The following CLIC5 variants were observed in gnomAD, a reference collection of about 807,000 sequenced individuals.
The protein encoded by CLIC5 is CLIC family member 5.
Under a neutral mutation model 24.7 loss-of-function variants are expected in CLIC5, and 20 were observed. The ratio of observed to expected loss-of-function variants is 0.81; its 90% CI spans 0.57 to 1.18. The LOEUF (loss-of-function observed/expected upper bound fraction) is 1.18, where lower values mean the gene tolerates loss of function less well. Among genes scored for constraint, CLIC5 ranks in the 50% most tolerant of loss-of-function variants. CLIC5 has a pLI of 0.00. For synonymous variants in CLIC5, 159 were observed against 135.6 expected (o/e 1.17, Z -1.20); for missense variants, 341 against 326.1 (o/e 1.05, Z -0.35).
At chr6:45,967,063 C>T (rs943040005) in intron 1 of CLIC5, among the ~76,000 whole-genome samples, 3 of 152,236 alleles carry the variant, frequency 2.0e-5, no homozygotes, top group African/African-American at 7.2e-5. Flanking sequence ...TCTCCAGCCA[C>T]CTTCCTCTAG....
At chr6:46,094,056 A>G in the CLIC5 span, among the ~76,000 whole-genome samples, 1 of 152,340 alleles carries the variant, frequency 6.6e-6, no homozygotes, top group East Asian at 1.9e-4. Flanking sequence ...GTACCAAAAG[A>G]GAGAGTAGCG....
intron 1 of CLIC5, among the ~76,000 whole-genome samples, chr6:46,045,314 T>C (rs149672078): frequency 1.3e-5 from 2 of 152,342 alleles, no homozygotes; most frequent in African/African-American, 4.8e-5. Flanking sequence ...GTACAACATA[T>C]TGAAATGTAC....
intron 1 of CLIC5, among the ~76,000 whole-genome samples, chr6:45,958,949 A>AATACATGCATACATACTAC (rs1328346090): frequency 7.4e-6 from 1 of 134,650 alleles, no homozygotes; most frequent in East Asian, 2.0e-4. Flanking sequence ...ATCATCCTAA[A>AATACATGCATACATACTAC]ATACATGCAT....
At chr6:46,081,965 T>A (rs893135338), upstream of CLIC5, among the ~76,000 whole-genome samples, 1 of 152,236 alleles carries the variant, frequency 6.6e-6, no homozygotes, top group African/African-American at 2.4e-5. Context: ...ATAAAAATGC[T>A]GCAGATATAC....
chr6:46,039,545 TAAAA>T (rs1297848592), intron 1 of CLIC5, among the ~76,000 whole-genome samples: 2 of 151,654 alleles, frequency 1.3e-5, no homozygotes, highest in Non-Finnish European at 2.9e-5. Flanking sequence ...AAAATAAACA[TAAAA>T]AGAAAACGAA....
the CLIC5 span, chr6:46,102,721 A>G: frequency 6.6e-6 from 1 of 152,472 alleles, no homozygotes; most frequent in Non-Finnish European, 1.5e-5. Flanking sequence ...CTCATAGGGT[A>G]GTTGAATTTC....
chr6:45,889,840 T>C (rs1250424006), intron 6 of CLIC5, among the ~76,000 whole-genome samples: 1 of 152,194 alleles, frequency 6.6e-6, no homozygotes, highest in East Asian at 1.9e-4. Flanking sequence ...TCTGCAAGGA[T>C]GTTTGCTGCA....
At chr6:45,928,799 G>C (rs960962158) in intron 4 of CLIC5, among the ~76,000 whole-genome samples, 1 of 122,856 alleles carries the variant, frequency 8.1e-6, no homozygotes, top group African/African-American at 4.5e-5. Flanking sequence ...TGTGTGTAGA[G>C]AGAGAGAGAT....
chr6:46,022,540 T>C (rs1021095984), intron 1 of CLIC5, among the ~76,000 whole-genome samples: 1 of 152,182 alleles, frequency 6.6e-6, no homozygotes. Context: ...CACACCTGCA[T>C]GAGGTCACAG....
At chr6:45,981,709 A>G (rs1302629153) in intron 1 of CLIC5, among the ~76,000 whole-genome samples, 1 of 152,228 alleles carries the variant, frequency 6.6e-6, no homozygotes, top group Non-Finnish European at 1.5e-5. Context: ...CTGTCTGATG[A>G]AATACAGGGG....
intron 1 of CLIC5, among the ~76,000 whole-genome samples, chr6:46,051,898 A>T (rs916953997): frequency 3.3e-5 from 5 of 152,164 alleles, no homozygotes; most frequent in African/African-American, 1.2e-4. Flanking sequence ...TGTTCTTTCC[A>T]CTGCACTGAC....
chr6:45,947,711 C>T (rs1233634581), intron 3 of CLIC5, among the ~76,000 whole-genome samples: 2 of 152,178 alleles, frequency 1.3e-5, no homozygotes, highest in Non-Finnish European at 2.9e-5. Context: ...CAAATCAGTG[C>T]TAGCAATGAG....
chr6:46,103,476 A>C, the CLIC5 span, among the ~76,000 whole-genome samples: 1 of 152,156 alleles, frequency 6.6e-6, no homozygotes, highest in Non-Finnish European at 1.5e-5. Flanking sequence ...GAGTCTTACT[A>C]TCTATTCTTT....
chr6:46,086,225 G>A, the CLIC5 span, among the ~76,000 whole-genome samples: 13 of 152,218 alleles, frequency 8.5e-5, no homozygotes, highest in Admixed American at 2.0e-4. Flanking sequence ...GCCCTGCTTC[G>A]GCTCGTGCAC....
At chr6:45,954,372 T>C (rs1764573388) in intron 2 of CLIC5, among the ~76,000 whole-genome samples, 1 of 151,272 alleles carries the variant, frequency 6.6e-6, no homozygotes, top group Admixed American at 6.6e-5. Flanking sequence ...ATGTATGCAA[T>C]GTTAGACATA....
intron 5 of CLIC5, chr6:45,912,812 G>A (rs2127306879): frequency 9.4e-7 from 1 of 1,066,404 alleles, no homozygotes; most frequent in Non-Finnish European, 1.4e-6. Flanking sequence ...ACATAGATTG[G>A]CTGGACCTAC....
intron 1 of CLIC5, among the ~76,000 whole-genome samples, chr6:46,067,214 C>CTA (rs1245592693): frequency 6.6e-6 from 1 of 152,084 alleles, no homozygotes; most frequent in Non-Finnish European, 1.5e-5. Context: ...CGAGTCCCCA[C>CTA]TACAACAAGC....
intron 1 of CLIC5, among the ~76,000 whole-genome samples, chr6:46,032,707 A>G (rs929590567): frequency 1.3e-5 from 2 of 152,208 alleles, no homozygotes; most frequent in Admixed American, 1.3e-4. Flanking sequence ...TTCCATAAAC[A>G]CATATTGAAA....
intron 3 of CLIC5, among the ~76,000 whole-genome samples, chr6:45,947,942 A>G (rs1764340625): frequency 6.6e-6 from 1 of 152,212 alleles, no homozygotes; most frequent in African/African-American, 2.4e-5. Context: ...ATGGATGACA[A>G]AGAATATTTT....
Sources: gnomAD v4.1 joint callset for allele counts (sites outside exome capture counted in the v4.1 genomes callset) on GRCh38, gnomAD v4.1.1 for gene constraint, MANE v1.5 for transcripts, NCBI Gene and HGNC (gene_info 2026-07-23, HGNC 2026-07-21) for gene names.